The following MAGI2 variants were observed in gnomAD, a reference collection of about 807,000 sequenced individuals.
MAGI2 encodes the protein membrane-associated guanylate kinase, WW and PDZ domain-containing protein 2.
MAGI2 carries 35 observed loss-of-function variants against 133.3 expected under a neutral mutation model. The ratio of observed to expected loss-of-function variants is 0.26; its 90% confidence interval spans 0.20 to 0.35. The LOEUF is 0.35. MAGI2 is among the 10% of genes least tolerant of loss of function. The probability of loss-of-function intolerance (pLI) is 1.00; values close to 1 mark genes in which losing one functional copy is unlikely to be tolerated. For missense variants in MAGI2, 1,636 were observed against 1,863.4 expected, an observed-to-expected ratio of 0.88 and a Z score of 2.25; for synonymous variants, 729 against 710.6, an observed-to-expected ratio of 1.03 and a Z score of -0.41.
chr7:78,265,864 T>C (rs1793949904), intron 9 of MAGI2, among the ~76,000 whole-genome samples: 1 of 152,250 alleles, frequency 6.6e-6, no homozygotes, highest in African/African-American at 2.4e-5. Flanking sequence ...TCGCCATCTT[T>C]TGACCTTACT....
chr7:78,695,734 C>T (rs956297885), intron 2 of MAGI2, among the ~76,000 whole-genome samples: 6 of 152,114 alleles, frequency 3.9e-5, no homozygotes, highest in African/African-American at 1.4e-4. Flanking sequence ...AAAAATTCCA[C>T]CATGCTAATA....
At chr7:79,390,977 A>G (rs2129150566) in intron 1 of MAGI2, among the ~76,000 whole-genome samples, 1 of 152,288 alleles carries the variant, frequency 6.6e-6, no homozygotes, top group Non-Finnish European at 1.5e-5. Context: ...AGTATCCTAA[A>G]TCTGTCAAAT....
At chr7:79,032,255 G>T in intron 1 of MAGI2, among the ~76,000 whole-genome samples, 1 of 152,036 alleles carries the variant, frequency 6.6e-6, no homozygotes, top group East Asian at 1.9e-4. Context: ...GGTGGTTCAC[G>T]CCTGTAATCC....
intron 12 of MAGI2, among the ~76,000 whole-genome samples, chr7:78,188,583 A>G (rs1279165665): frequency 6.6e-6 from 1 of 152,122 alleles, no homozygotes; most frequent in Non-Finnish European, 1.5e-5. Flanking sequence ...TTATCACCTT[A>G]TTTTAATATT....
chr7:79,234,311 CT>C (rs1831672172), intron 1 of MAGI2, among the ~76,000 whole-genome samples: 1 of 150,752 alleles, frequency 6.6e-6, no homozygotes, highest in African/African-American at 2.5e-5. Flanking sequence ...TTGTGGCGTT[CT>C]CTGTATTTCC....
At chr7:78,877,478 TTAC>T (rs1795519559) in intron 2 of MAGI2, among the ~76,000 whole-genome samples, 1 of 152,180 alleles carries the variant, frequency 6.6e-6, no homozygotes, top group Non-Finnish European at 1.5e-5. Flanking sequence ...ATTAAAAATG[TTAC>T]TTGTTTTTCT....
At chr7:79,169,838 A>C (rs1005057416) in intron 1 of MAGI2, among the ~76,000 whole-genome samples, 2 of 152,014 alleles carry the variant, frequency 1.3e-5, no homozygotes, top group African/African-American at 4.8e-5. Flanking sequence ...AATTTGCAGG[A>C]GGGGTGATTA....
In MAGI2 at chr7:78,638,101, A is replaced by G. The variant is rs576604587; in HGVS notation, c.419-10862T>C. ...AAAGAAAAGAAAAGAAAAAAAAAAG[A>G]AAGCTGAACTCATCACCTGAACTAA... On this transcript the variant is annotated intron_variant, in intron 2 of 21. Transcript: ENST00000354212. 1.5e-4 allele frequency among the ~76,000 whole-genome samples: 23 copies of G among 152,088 alleles called. No individual in the cohort carries two copies. In the South Asian group the frequency reaches 4.8e-3, roughly 32 times the overall value.
chr7:78,537,589 G>T (rs1286261340), intron 3 of MAGI2, among the ~76,000 whole-genome samples: 1 of 152,126 alleles, frequency 6.6e-6, no homozygotes, highest in African/African-American at 2.4e-5. Flanking sequence ...TGCATTTTCT[G>T]ATAATTAGTG....
chr7:78,569,400 C>T (rs971382291), intron 3 of MAGI2, among the ~76,000 whole-genome samples: 1 of 152,138 alleles, frequency 6.6e-6, no homozygotes, highest in African/African-American at 2.4e-5. Flanking sequence ...TTGCTACATG[C>T]ATGTGCAAGG....
chr7:78,735,466 A>T (rs1472410260), intron 2 of MAGI2, among the ~76,000 whole-genome samples: 2 of 152,224 alleles, frequency 1.3e-5, no homozygotes, highest in African/African-American at 2.4e-5. Flanking sequence ...ACTTTCATTA[A>T]TATACTTTCT....
intron 2 of MAGI2, among the ~76,000 whole-genome samples, chr7:78,962,416 G>T (rs915028991): frequency 6.6e-6 from 1 of 151,272 alleles, no homozygotes; most frequent in African/African-American, 2.4e-5. Flanking sequence ...AAATATAGTT[G>T]AAAGGAACAG....
intron 3 of MAGI2, among the ~76,000 whole-genome samples, chr7:78,620,365 T>C (rs371989799): frequency 1.3e-5 from 2 of 152,180 alleles, no homozygotes; most frequent in South Asian, 4.1e-4. Flanking sequence ...AAGCTGATTT[T>C]AGCTAGTAAA....
rs147367045 is a variant in MAGI2, at chr7:78,498,714, A to G, written c.965+2863T>C. On this transcript the variant is annotated intron_variant, in intron 5 of 21. Coordinates refer to ENST00000354212, the MANE Select transcript of MAGI2 (RefSeq NM_012301.4). The stretch of plus-strand genomic sequence containing the variant: ...ACACCGAATCTTGAGGTTCAAAGGT[A>G]ACCTTTATGAAAGACAGATGAATCA... 1.6e-3 allele frequency among the ~76,000 whole-genome samples: 244 copies of G among 152,256 alleles called. 2 individuals are homozygous for G. The highest frequency in any genetic ancestry group is 5.5e-3 in the African/African-American group (230 of 41,562).
intron 1 of MAGI2, among the ~76,000 whole-genome samples, chr7:79,157,351 A>G (rs1823877405): frequency 6.6e-6 from 1 of 151,988 alleles, no homozygotes; most frequent in Admixed American, 6.6e-5. Flanking sequence ...AATTTAAAAA[A>G]AAGTCTTGTC....
At chr7:78,929,031 TA>T (rs1799917874) in intron 2 of MAGI2, among the ~76,000 whole-genome samples, 1 of 152,072 alleles carries the variant, frequency 6.6e-6, no homozygotes, top group Admixed American at 6.6e-5. Flanking sequence ...TCTCAGAGGT[TA>T]AAAAATTCCA....
At chr7:78,636,351 CTTT>C (rs34984460) in intron 2 of MAGI2, among the ~76,000 whole-genome samples, 14 of 129,222 alleles carry the variant, frequency 1.1e-4, no homozygotes, top group African/African-American at 1.7e-4. Context: ...CAAAAACAGG[CTTT>C]TTTTTTTTTT....
intron 1 of MAGI2, among the ~76,000 whole-genome samples, chr7:79,014,986 G>T (rs1808541282): frequency 6.6e-6 from 1 of 152,110 alleles, no homozygotes; most frequent in Non-Finnish European, 1.5e-5. Flanking sequence ...AAAAGCAAAA[G>T]AAAATGCTCA....
chr7:78,063,270 C>G (rs1045695555), intron 21 of MAGI2, among the ~76,000 whole-genome samples: 1 of 152,058 alleles, frequency 6.6e-6, no homozygotes, highest in African/African-American at 2.4e-5. Context: ...GAGACAGGGT[C>G]CCACTCTGTC....
Sources: gnomAD v4.1 joint callset for allele counts (sites outside exome capture counted in the v4.1 genomes callset) on GRCh38, gnomAD v4.1.1 for gene constraint, MANE v1.5 for transcripts, NCBI Gene and HGNC (gene_info 2026-07-23, HGNC 2026-07-21) for gene names.